RALA: variants seen among roughly 807,000 people sequenced by gnomAD.
RALA encodes the protein RAS like proto-oncogene A, also known as ras-related protein Ral-A.
Under a neutral mutation model 24.0 loss-of-function variants are expected in RALA, and 5 were observed. The ratio of observed to expected loss-of-function variants is 0.21; its 90% CI spans 0.11 to 0.44. The LOEUF is 0.44. Among genes scored for constraint, RALA ranks in the 20% least tolerant of loss-of-function variants. The pLI, the probability that RALA is intolerant of heterozygous loss-of-function variation, is 0.99. For synonymous variants in RALA, 77 were observed against 83.8 expected (o/e 0.92, Z 0.44); for missense variants, 95 against 241.2 (o/e 0.39, Z 4.01).
intron 1 of RALA, among the ~76,000 whole-genome samples, chr7:39,681,891 T>C (rs1792610060): frequency 6.6e-6 from 1 of 152,238 alleles, no homozygotes; most frequent in East Asian, 1.9e-4. Flanking sequence ...CCCAGACCTA[T>C]TCCTTCTTGG....
At chr7:39,675,757 A>AAAC (rs1792476373) in intron 1 of RALA, among the ~76,000 whole-genome samples, 1 of 148,902 alleles carries the variant, frequency 6.7e-6, no homozygotes, top group Non-Finnish European at 1.5e-5. Context: ...AAAAAAAAAA[A>AAAC]AAAACTGTAT....
chr7:39,673,777 T>C (rs951098106), intron 1 of RALA, among the ~76,000 whole-genome samples: 2 of 152,164 alleles, frequency 1.3e-5, no homozygotes, highest in Non-Finnish European at 2.9e-5. Context: ...CAGCCACCCT[T>C]ATCTTACTCC....
chr7:39,703,454 T>G (rs532964266), intron 4 of RALA, among the ~76,000 whole-genome samples: 5 of 152,368 alleles, frequency 3.3e-5, no homozygotes, highest in African/African-American at 1.2e-4. Flanking sequence ...TTCATGTTGG[T>G]CCTATGTCCG....
At chr7:39,644,308 A>G (rs1258359973) in intron 1 of RALA, among the ~76,000 whole-genome samples, 1 of 152,026 alleles carries the variant, frequency 6.6e-6, no homozygotes, top group Non-Finnish European at 1.5e-5. Context: ...TACAGTTAGA[A>G]TGTATCATTT....
chr7:39,696,515 A>G (rs1224005249), intron 3 of RALA, among the ~76,000 whole-genome samples, 170 bp from the exon 4 acceptor site: 1 of 152,248 alleles, frequency 6.6e-6, no homozygotes, highest in Non-Finnish European at 1.5e-5. Context: ...ACATTTGAAT[A>G]AAGTTTGGAC....
chr7:39,666,241 A>G (rs1792285362), intron 1 of RALA, among the ~76,000 whole-genome samples: 1 of 152,192 alleles, frequency 6.6e-6, no homozygotes. Flanking sequence ...TGTCAGGGCC[A>G]CAAAGGTGAC....
chr7:39,646,317 A>G (rs988367937), intron 1 of RALA, among the ~76,000 whole-genome samples: 1 of 152,084 alleles, frequency 6.6e-6, no homozygotes, highest in Non-Finnish European at 1.5e-5. Context: ...AAAAATAAAA[A>G]ATAAAAACAA....
At chr7:39,648,154 T>C (rs1791959376) in intron 1 of RALA, among the ~76,000 whole-genome samples, 1 of 152,180 alleles carries the variant, frequency 6.6e-6, no homozygotes, top group Admixed American at 6.5e-5. Context: ...TTTGTAGGTT[T>C]TACAGGGGCC....
At chr7:39,640,953 A>G (rs1435748877) in intron 1 of RALA, among the ~76,000 whole-genome samples, 3 of 152,128 alleles carry the variant, frequency 2.0e-5, no homozygotes, top group Non-Finnish European at 4.4e-5. Flanking sequence ...TCATGTGGTC[A>G]GGAATATAGT....
chr7:39,647,629 G>A (rs1345691755), intron 1 of RALA, among the ~76,000 whole-genome samples: 1 of 152,162 alleles, frequency 6.6e-6, no homozygotes, highest in Admixed American at 6.5e-5. Context: ...CAAGGTGATG[G>A]TATTAGGAGT....
intron 1 of RALA, among the ~76,000 whole-genome samples, chr7:39,659,717 C>T (rs573629875): frequency 2.6e-5 from 4 of 152,212 alleles, no homozygotes; most frequent in Admixed American, 1.3e-4. Flanking sequence ...AAAATATGAG[C>T]AAAAGTTGTC....
At chr7:39,667,190 A>C (rs891097343) in intron 1 of RALA, among the ~76,000 whole-genome samples, 1 of 152,204 alleles carries the variant, frequency 6.6e-6, no homozygotes, top group Non-Finnish European at 1.5e-5. Context: ...GGCTAATTTT[A>C]ATTGAATGTC....
chr7:39,672,282 A>G (rs889574103), intron 1 of RALA, among the ~76,000 whole-genome samples: 1 of 152,238 alleles, frequency 6.6e-6, no homozygotes, highest in Non-Finnish European at 1.5e-5. Context: ...AGTCATATGG[A>G]TGGCAAGTAA....
intron 1 of RALA, among the ~76,000 whole-genome samples, chr7:39,632,456 T>A (rs548436559): frequency 1.3e-5 from 2 of 152,354 alleles, no homozygotes; most frequent in South Asian, 4.1e-4. Flanking sequence ...TCAATGTAGA[T>A]AATAGTTTGG....
chr7:39,670,733 G>A (rs917088951), intron 1 of RALA, among the ~76,000 whole-genome samples: 1 of 151,932 alleles, frequency 6.6e-6, no homozygotes, highest in Non-Finnish European at 1.5e-5. Flanking sequence ...CACCTTTCAG[G>A]TTCTACCCTG....
At position 39,686,418 on chromosome 7, in the gene RALA, G is replaced by T. The variant is rs532396466; in HGVS notation, c.-37-213G>T. Among the ~76,000 whole-genome samples, 6 of 152,278 alleles carry T rather than the reference G, an allele frequency of 3.9e-5. No homozygotes were observed. In the East Asian group the frequency reaches 1.2e-3, roughly 29 times the overall value. Reference sequence around the variant, plus strand: ...GAAACCCAACTATTTTAAGAGAAATGCCCTTGAGTCATAGGCTTGTTTTAT... The same window carrying T: ...GAAACCCAACTATTTTAAGAGAAATTCCCTTGAGTCATAGGCTTGTTTTAT... On this transcript the variant is annotated intron_variant, in intron 1 of 4. Transcript: ENST00000005257.
rs80002091 is a variant in RALA at position 39,632,061 on chromosome 7, A to G, written c.-38+8236A>G. ...TAAACAACCAGCTCTCATGTGAACTAATAGAGTAAGAACTTGCTCATTACT... is the reference window on the plus strand; with the variant it reads ...TAAACAACCAGCTCTCATGTGAACTGATAGAGTAAGAACTTGCTCATTACT... On this transcript the variant is annotated intron_variant, in intron 1 of 4. Coordinates refer to ENST00000005257, the MANE Select transcript of RALA (RefSeq NM_005402.4). Among the ~76,000 whole-genome samples, 1,269 of 152,332 alleles carry G rather than the reference A, an allele frequency of 8.3e-3. 14 individuals are homozygous for G. Among genetic ancestry groups the G allele is most frequent in the African/African-American group, 0.029 (1,186 of 41,564 alleles).
At chr7:39,671,123 C>CAAG (rs1792375567) in intron 1 of RALA, among the ~76,000 whole-genome samples, 1 of 152,118 alleles carries the variant, frequency 6.6e-6, no homozygotes, top group Non-Finnish European at 1.5e-5. Context: ...AGTCCTAACT[C>CAAG]AAGTCATCAT....
intron 1 of RALA, among the ~76,000 whole-genome samples, chr7:39,665,649 T>G (rs1201322241): frequency 1.9e-5 from 1 of 51,902 alleles, no homozygotes; most frequent in East Asian, 2.2e-4. Context: ...TGCAATGTAG[T>G]TTTTTTTTTT....
Sources: allele counts gnomAD v4.1 joint callset (sites outside exome capture counted in the v4.1 genomes callset), GRCh38; gene constraint gnomAD v4.1.1; transcripts MANE v1.5; gene names NCBI Gene and HGNC (gene_info 2026-07-23, HGNC 2026-07-21).